The following UST variants were observed in gnomAD, a reference collection of about 807,000 sequenced individuals.
UST encodes the protein chondroitin sulfate 2-O-sulfotransferase.
In UST, 21 loss-of-function variants were observed where a neutral mutation model predicts 45.6. That is an observed-to-expected ratio of 0.46 (90% CI 0.33 to 0.66). The LOEUF (loss-of-function observed/expected upper bound fraction) is 0.66. Ranked by LOEUF, UST falls within the 30% of genes least tolerant of loss-of-function variation. UST has a pLI of 0.02. For synonymous variants in UST, 215 were observed against 200.6 expected (o/e 1.07, Z -0.61); for missense variants, 463 against 512.4 (o/e 0.90, Z 0.93).
chr6:148,820,916 A>G (rs1042980371), intron 1 of UST, among the ~76,000 whole-genome samples: 15 of 149,496 alleles, frequency 1.0e-4, no homozygotes, highest in Non-Finnish European at 4.4e-5. Context: ...CTACAATCTG[A>G]TCCAGGATCA....
At chr6:148,801,835 G>A (rs1050948574) in intron 1 of UST, among the ~76,000 whole-genome samples, 2 of 151,938 alleles carry the variant, frequency 1.3e-5, no homozygotes, top group African/African-American at 4.8e-5. Context: ...ATTTTTTCTT[G>A]GGAAAGTTTC....
intron 1 of UST, among the ~76,000 whole-genome samples, chr6:148,813,205 G>GT (rs1326638677): frequency 6.6e-6 from 1 of 152,102 alleles, no homozygotes; most frequent in Non-Finnish European, 1.5e-5. Flanking sequence ...CAAAATTCCA[G>GT]TAAGTGCCCT....
chr6:149,023,139 TGTGTGTGTGTG>T (rs1244403781), intron 7 of UST, among the ~76,000 whole-genome samples: 28 of 142,514 alleles, frequency 2.0e-4, no homozygotes, highest in Middle Eastern at 3.5e-3. Flanking sequence ...TGTGTGTGTG[TGTGTGTGTGTG>T]GTGTGGTGTG....
intron 1 of UST, among the ~76,000 whole-genome samples, chr6:148,878,197 G>A (rs990590780): frequency 2.4e-5 from 3 of 124,834 alleles, no homozygotes; most frequent in East Asian, 2.6e-4. Context: ...GATCATGTAC[G>A]AGTGTGAGGG....
chr6:149,041,024 C>T (rs1776305880), intron 7 of UST, among the ~76,000 whole-genome samples: 1 of 152,172 alleles, frequency 6.6e-6, no homozygotes, highest in Non-Finnish European at 1.5e-5. Context: ...AGAAACATTG[C>T]CCTTTTAAAT....
At chr6:149,069,431 A>G (rs1295066142) in intron 7 of UST, among the ~76,000 whole-genome samples, 3 of 152,218 alleles carry the variant, frequency 2.0e-5, no homozygotes, top group Non-Finnish European at 2.9e-5. Context: ...AATAATAGCT[A>G]TTCTAACTGG....
intron 1 of UST, among the ~76,000 whole-genome samples, chr6:148,862,411 TC>T (rs1427468432): frequency 4.6e-5 from 7 of 152,256 alleles, no homozygotes; most frequent in African/African-American, 1.7e-4. Context: ...GAGATGGGTC[TC>T]CTGAATACAG....
chr6:148,774,777 G>A (rs150348717), intron 1 of UST, among the ~76,000 whole-genome samples: 11 of 152,250 alleles, frequency 7.2e-5, no homozygotes, highest in Middle Eastern at 3.4e-3. Flanking sequence ...CTAGCACTTC[G>A]GGAGGCCAAG....
At chr6:149,049,975 T>C (rs1439820396) in intron 7 of UST, among the ~76,000 whole-genome samples, 1 of 134,680 alleles carries the variant, frequency 7.4e-6, no homozygotes, top group African/African-American at 2.9e-5. Flanking sequence ...ACGTGGCCCT[T>C]TCTTGTATAC....
At chr6:149,071,613 G>T (rs922985482) in intron 7 of UST, among the ~76,000 whole-genome samples, 1 of 151,688 alleles carries the variant, frequency 6.6e-6, no homozygotes, top group African/African-American at 2.4e-5. Context: ...TGAGAAAAAT[G>T]GATAAAATAG....
intron 1 of UST, among the ~76,000 whole-genome samples, chr6:148,812,957 A>G (rs1312767099): frequency 6.6e-6 from 1 of 152,176 alleles, no homozygotes; most frequent in Non-Finnish European, 1.5e-5. Flanking sequence ...GGGGGCATTT[A>G]CTTTTAGCAT....
chr6:148,779,036 T>C (rs1776587671), intron 1 of UST, among the ~76,000 whole-genome samples: 1 of 152,052 alleles, frequency 6.6e-6, no homozygotes, highest in Non-Finnish European at 1.5e-5. Context: ...TGGCTGTCCT[T>C]ACCCGCTGTG....
chr6:148,973,540 G>C (rs958453157), intron 5 of UST, among the ~76,000 whole-genome samples: 30 of 152,338 alleles, frequency 2.0e-4, no homozygotes, highest in Middle Eastern at 3.4e-3. Context: ...AATGCAGTCA[G>C]AGGTCTTGCT....
intron 1 of UST, among the ~76,000 whole-genome samples, chr6:148,853,301 T>C (rs2114788919): frequency 6.6e-6 from 1 of 152,388 alleles, no homozygotes; most frequent in South Asian, 2.1e-4. Flanking sequence ...TTTTTATGGC[T>C]GCATAGTATT....
At chr6:148,763,617 T>C (rs970546593) in intron 1 of UST, among the ~76,000 whole-genome samples, 1 of 152,214 alleles carries the variant, frequency 6.6e-6, no homozygotes, top group African/African-American at 2.4e-5. Context: ...CTTCTAGGAT[T>C]CTTATAGTTT....
intron 7 of UST, chr6:149,027,833 A>G (rs1421855113): frequency 8.5e-6 from 1 of 117,594 alleles, no homozygotes; most frequent in African/African-American, 3.4e-5. Flanking sequence ...CCACTGAGTT[A>G]TCCCCCCATC....
chr6:148,972,300 C>A (rs1780932205), intron 5 of UST, among the ~76,000 whole-genome samples: 1 of 152,110 alleles, frequency 6.6e-6, no homozygotes, highest in Non-Finnish European at 1.5e-5. Context: ...GAGGTGGGTG[C>A]TGTCTTTAGG....
At chr6:149,012,904 G>C (rs1047638961) in intron 5 of UST, among the ~76,000 whole-genome samples, 1 of 151,964 alleles carries the variant, frequency 6.6e-6, no homozygotes, top group Admixed American at 6.6e-5. Flanking sequence ...TAATAAAGAT[G>C]GCATAATCTT....
intron 5 of UST, among the ~76,000 whole-genome samples, chr6:148,990,832 G>A (rs1285167277): frequency 6.6e-6 from 1 of 152,186 alleles, no homozygotes; most frequent in African/African-American, 2.4e-5. Flanking sequence ...TCTCCTAGGA[G>A]CAGGAACTAG....
Sources: allele counts gnomAD v4.1 joint callset (sites outside exome capture counted in the v4.1 genomes callset), GRCh38; gene constraint gnomAD v4.1.1; transcripts MANE v1.5; gene names NCBI Gene and HGNC (gene_info 2026-07-23, HGNC 2026-07-21).